Variants in DGLUCY observed in about 807,000 individuals in gnomAD.
DGLUCY encodes D-glutamate cyclase, also known as D-glutamate cyclase, mitochondrial.
A neutral mutation model predicts 58.5 loss-of-function variants in DGLUCY; 58 were observed. The observed-to-expected ratio is 0.99, with a 90% CI of 0.80 to 1.23. DGLUCY has a LOEUF of 1.23. Among genes scored for constraint, DGLUCY ranks in the 50% most tolerant of loss-of-function variants. The pLI is 0.00. For synonymous variants in DGLUCY, 325 were observed against 314.1 expected, an observed-to-expected ratio of 1.03 and a Z score of -0.37; for missense variants, 779 against 784.7, an observed-to-expected ratio of 0.99 and a Z score of 0.09.
chr14:91,223,719 C>T, intron 13 of DGLUCY: 1 of 1,286,302 alleles, frequency 7.8e-7, no homozygotes, highest in Non-Finnish European at 1.0e-6. Flanking sequence ...GGCCAGAAGA[C>T]CTAGCCCTGC....
intron 1 of DGLUCY, among the ~76,000 whole-genome samples, chr14:91,117,449 T>C (rs1197451898): frequency 6.6e-6 from 1 of 152,208 alleles, no homozygotes; most frequent in East Asian, 1.9e-4. Context: ...TGAAAGCCTC[T>C]GACACTTGGG....
intron 1 of DGLUCY, among the ~76,000 whole-genome samples, chr14:91,087,386 A>G (rs1020231786): frequency 1.3e-5 from 2 of 152,210 alleles, no homozygotes; most frequent in African/African-American, 4.8e-5. Context: ...ATCTAATTAG[A>G]AATAAATAGT....
intron 1 of DGLUCY, among the ~76,000 whole-genome samples, chr14:91,137,534 C>A (rs888259539): frequency 1.3e-5 from 2 of 150,702 alleles, no homozygotes; most frequent in Non-Finnish European, 3.0e-5. Context: ...TACAGGCGTG[C>A]GCCACCACGC....
intron 7 of DGLUCY, 66 bp from the exon 8 acceptor site, chr14:91,181,120 G>A (rs2049143390): frequency 1.3e-6 from 2 of 1,494,114 alleles, no homozygotes; most frequent in African/African-American, 1.4e-5. Flanking sequence ...TCAACAGTGG[G>A]CTAGATGAGG....
chr14:91,208,060 T>A (rs1347206651), intron 12 of DGLUCY, among the ~76,000 whole-genome samples: 1 of 152,180 alleles, frequency 6.6e-6, no homozygotes, highest in East Asian at 1.9e-4. Flanking sequence ...CTTTAATCTT[T>A]ACATTACTGA....
At chr14:91,117,323 G>C (rs1390866529) in intron 1 of DGLUCY, among the ~76,000 whole-genome samples, 1 of 152,088 alleles carries the variant, frequency 6.6e-6, no homozygotes, top group East Asian at 1.9e-4. Flanking sequence ...CCTGTATCTT[G>C]TGCCTACCTC....
intron 1 of DGLUCY, among the ~76,000 whole-genome samples, chr14:91,123,135 C>A (rs74083970): frequency 6.6e-6 from 1 of 152,040 alleles, no homozygotes. Flanking sequence ...TTACTAGTGA[C>A]GGCCACCAGA....
At chr14:91,219,498 G>A (rs564617282) in intron 13 of DGLUCY, among the ~76,000 whole-genome samples, 63 of 152,344 alleles carry the variant, frequency 4.1e-4, no homozygotes, top group Non-Finnish European at 7.5e-4. Flanking sequence ...GCAGAGCTGT[G>A]GCCTGAGCTA....
intron 1 of DGLUCY, among the ~76,000 whole-genome samples, chr14:91,115,857 A>G (rs1396277479): frequency 6.6e-6 from 1 of 152,026 alleles, no homozygotes; most frequent in Non-Finnish European, 1.5e-5. Flanking sequence ...GAATGGGCTC[A>G]CGTTTCCGCA....
rs1181624495 is a variant in DGLUCY, at chr14:91,206,726, A to G, written c.1564+1901A>G. Among the ~76,000 whole-genome samples, 3 of 152,164 alleles carry G rather than the reference A, an allele frequency of 2.0e-5. No homozygotes were observed. In the South Asian group the frequency reaches 6.2e-4, roughly 31 times the overall value. On this transcript the variant is annotated intron_variant, in intron 12 of 13. Coordinates refer to ENST00000256324, the MANE Select transcript of DGLUCY (RefSeq NM_001102368.3). ...CCAAGTAAATTATGTCCACCTTTCA[A>G]CAACAAAAAAAATTTACAAGAAACA... is the stretch of plus-strand genomic sequence containing the variant.
At chr14:91,174,300 A>T (rs773224743) in intron 6 of DGLUCY, among the ~76,000 whole-genome samples, 15 of 152,180 alleles carry the variant, frequency 9.9e-5, no homozygotes, top group South Asian at 4.1e-4. Context: ...TAATTTAATT[A>T]AATTAATTAA....
intron 9 of DGLUCY, among the ~76,000 whole-genome samples, chr14:91,194,266 A>G (rs1167386815): frequency 2.0e-5 from 3 of 152,166 alleles, no homozygotes; most frequent in Admixed American, 6.5e-5. Flanking sequence ...GCCCAAGGTC[A>G]CATAGCAAGG....
chr14:91,068,207 C>A (rs555525072), intron 1 of DGLUCY, among the ~76,000 whole-genome samples: 1 of 152,274 alleles, frequency 6.6e-6, no homozygotes, highest in South Asian at 2.1e-4. Context: ...CAGATACTAC[C>A]TTTCTAGCTT....
At chr14:91,085,563 GTT>G (rs869263434) in intron 1 of DGLUCY, among the ~76,000 whole-genome samples, 3 of 125,674 alleles carry the variant, frequency 2.4e-5, no homozygotes, top group African/African-American at 3.0e-5. Flanking sequence ...TTTTTTTTTT[GTT>G]TTTTTTTTTT....
intron 7 of DGLUCY, 145 bp from the exon 8 acceptor site, chr14:91,181,041 G>C (rs1368606735): frequency 6.1e-6 from 4 of 659,832 alleles, no homozygotes; most frequent in Admixed American, 5.7e-5. Context: ...AGCTTATTCT[G>C]ACCTTGGTGC....
intron 1 of DGLUCY, among the ~76,000 whole-genome samples, chr14:91,157,210 A>ATGG (rs2047698474): frequency 3.7e-4 from 25 of 67,090 alleles, no homozygotes; most frequent in African/African-American, 2.0e-3. Context: ...TGGATGAATG[A>ATGG]ATGGGTGGAT....
chr14:91,194,828 G>C (rs1031829548), intron 9 of DGLUCY, among the ~76,000 whole-genome samples: 3 of 151,984 alleles, frequency 2.0e-5, no homozygotes, highest in Middle Eastern at 3.2e-3. Context: ...TGTGAGCTAC[G>C]TGCCCGGCCA....
chr14:91,174,788 A>C (rs1267289659), intron 6 of DGLUCY, among the ~76,000 whole-genome samples: 1 of 152,116 alleles, frequency 6.6e-6, no homozygotes, highest in Non-Finnish European at 1.5e-5. Context: ...TGGTGTCTGT[A>C]GGGGGGTGGC....
chr14:91,135,378 G>A (rs896147673), intron 1 of DGLUCY, among the ~76,000 whole-genome samples: 54 of 152,126 alleles, frequency 3.5e-4, no homozygotes, highest in African/African-American at 1.2e-3. Context: ...GGCCAGGCAC[G>A]GTGGCTCACG....
Sources: allele counts gnomAD v4.1 joint callset (sites outside exome capture counted in the v4.1 genomes callset), GRCh38; gene constraint gnomAD v4.1.1; transcripts MANE v1.5; gene names NCBI Gene and HGNC (gene_info 2026-07-23, HGNC 2026-07-21).